GRM5: variants seen among roughly 807,000 people sequenced by gnomAD.
GRM5 encodes the protein glutamate metabotropic receptor 5.
In GRM5, 19 loss-of-function variants were observed where a neutral mutation model predicts 83.1. The ratio of observed to expected loss-of-function variants is 0.23; its 90% CI spans 0.16 to 0.34. GRM5 has a LOEUF of 0.34. Among genes scored for constraint, GRM5 ranks in the 10% least tolerant of loss-of-function variants. The pLI is 1.00. For missense variants in GRM5, 1,160 were observed against 1,588.3 expected (o/e 0.73, Z 4.58); for synonymous variants, 675 against 633.6 (o/e 1.07, Z -0.98).
intron 3 of GRM5, among the ~76,000 whole-genome samples, chr11:88,765,225 AG>A (rs1942604180): frequency 6.6e-6 from 1 of 151,450 alleles, no homozygotes; most frequent in African/African-American, 2.4e-5. Context: ...CTCCCAAAAA[AG>A]AAAAACCCTG....
intron 8 of GRM5, among the ~76,000 whole-genome samples, chr11:88,559,135 A>G (rs1293161108): frequency 6.6e-6 from 1 of 152,288 alleles, no homozygotes; most frequent in African/African-American, 2.4e-5. Context: ...ACCAAATTTC[A>G]GGCAGTTCTT....
At chr11:88,584,928 G>T (rs186599159) in intron 7 of GRM5, among the ~76,000 whole-genome samples, 2 of 152,248 alleles carry the variant, frequency 1.3e-5, no homozygotes, top group Non-Finnish European at 2.9e-5. Context: ...CCAAAATATG[G>T]CACTTTGGCA....
chr11:88,677,787 T>C (rs998212279), intron 3 of GRM5, among the ~76,000 whole-genome samples: 29 of 152,126 alleles, frequency 1.9e-4, no homozygotes, highest in African/African-American at 5.8e-4. Context: ...ATCTTTCCAT[T>C]TGATTTGCTA....
At chr11:88,782,512 A>G (rs1025038980) in intron 3 of GRM5, among the ~76,000 whole-genome samples, 16 of 152,164 alleles carry the variant, frequency 1.1e-4, no homozygotes, top group Non-Finnish European at 1.8e-4. Flanking sequence ...GGTCCCTTCC[A>G]CAACACATGG....
chr11:89,021,005 G>A (rs1412306662), intron 2 of GRM5, among the ~76,000 whole-genome samples: 1 of 152,078 alleles, frequency 6.6e-6, no homozygotes, highest in East Asian at 1.9e-4. Flanking sequence ...CATGAAGAAC[G>A]ATAAATAATA....
intron 2 of GRM5, among the ~76,000 whole-genome samples, chr11:88,992,228 A>G (rs536186505): frequency 1.3e-5 from 2 of 152,306 alleles, no homozygotes; most frequent in South Asian, 2.1e-4. Flanking sequence ...ACACTTCTCA[A>G]AAGAAGACAT....
chr11:88,681,427 T>A (rs939325274), intron 3 of GRM5, among the ~76,000 whole-genome samples: 1 of 151,928 alleles, frequency 6.6e-6, no homozygotes, highest in Non-Finnish European at 1.5e-5. Context: ...CCCTTTCTTT[T>A]TGAAATTCCT....
intron 3 of GRM5, among the ~76,000 whole-genome samples, chr11:88,807,198 C>G (rs1185866763): frequency 6.6e-6 from 1 of 152,114 alleles, no homozygotes; most frequent in Non-Finnish European, 1.5e-5. Context: ...TTATTGAACA[C>G]ATGAATGGGT....
chr11:88,611,477 T>G (rs1938314685), intron 4 of GRM5, among the ~76,000 whole-genome samples: 1 of 152,194 alleles, frequency 6.6e-6, no homozygotes, highest in Non-Finnish European at 1.5e-5. Flanking sequence ...TACCTATTTC[T>G]CCTAGGTTTT....
intron 4 of GRM5, among the ~76,000 whole-genome samples, chr11:88,634,719 C>T (rs1939072229): frequency 6.6e-6 from 1 of 152,056 alleles, no homozygotes; most frequent in Admixed American, 6.6e-5. Flanking sequence ...GAGTACACTC[C>T]CAAGTAATGA....
chr11:88,744,209 G>A (rs994916099), intron 3 of GRM5, among the ~76,000 whole-genome samples: 2 of 152,082 alleles, frequency 1.3e-5, no homozygotes, highest in Non-Finnish European at 2.9e-5. Context: ...TTTACATTAA[G>A]TATTTTCAAG....
chr11:88,981,712 G>A (rs1363962428), intron 2 of GRM5, among the ~76,000 whole-genome samples: 2 of 152,160 alleles, frequency 1.3e-5, no homozygotes, highest in African/African-American at 2.4e-5. Context: ...AAAGAACACA[G>A]AATCAGGAGT....
chr11:88,984,437 G>A (rs1239536560), intron 2 of GRM5, among the ~76,000 whole-genome samples: 1 of 152,130 alleles, frequency 6.6e-6, no homozygotes, highest in African/African-American at 2.4e-5. Context: ...GTGTAGCGTA[G>A]GCTATCCCAT....
intron 2 of GRM5, among the ~76,000 whole-genome samples, chr11:88,912,346 C>T (rs1945514594): frequency 1.3e-5 from 2 of 151,708 alleles, no homozygotes; most frequent in South Asian, 4.2e-4. Context: ...GAACTTTATT[C>T]TCTCATATTT....
intron 3 of GRM5, among the ~76,000 whole-genome samples, chr11:88,755,065 A>G (rs371343639): frequency 2.9e-4 from 44 of 152,324 alleles, no homozygotes; most frequent in African/African-American, 9.4e-4. Context: ...TATATTGAAG[A>G]ACACTCTGTA....
intron 3 of GRM5, among the ~76,000 whole-genome samples, chr11:88,788,128 A>G (rs1286711811): frequency 1.3e-5 from 2 of 152,174 alleles, no homozygotes; most frequent in Non-Finnish European, 2.9e-5. Context: ...TGGGAGGAAC[A>G]TCTCCTTATT....
In GRM5 at chr11:89,064,325, C is replaced by G. The variant is rs1464852235; in HGVS notation, c.-201+1451G>C. On this transcript the variant is annotated intron_variant, in intron 1 of 9. Coordinates refer to ENST00000305447, the MANE Select transcript of GRM5 (RefSeq NM_001143831.3). ...ATAAAAATAAATAAATAATAAAACA[C>G]TAAAAAAATAGCATATGACTTTAGG... Among the ~76,000 whole-genome samples the G allele has an allele frequency of 2.6e-5, 4 of 152,196 alleles. No individual in the cohort carries two copies. The South Asian group carries it at 6.2e-4, about 24-fold the overall frequency.
rs975246294 is a variant in GRM5, at chr11:89,023,894, TAAAA to T, written c.661+23314_661+23317del. On this transcript the variant is annotated intron_variant, in intron 2 of 9. Transcript: ENST00000305447. ...ATAAATAAATAAATAAATAAATAAA[TAAAA>T]ATAAATTTTAAAATAATGATCTTAA... Among the ~76,000 whole-genome samples, 8 of 110,692 alleles carry T rather than the reference TAAAA, an allele frequency of 7.2e-5. No homozygotes were observed. In the East Asian group the frequency reaches 7.9e-4, roughly 11 times the overall value. The allele number at this position is 110,692 out of a possible 152,430, so 72.6% of individuals were successfully genotyped here. A position where few individuals can be genotyped will look rare whatever the true frequency, so the allele number is the denominator to read the frequency against.
At chr11:89,060,108 T>G (rs1362187729) in intron 1 of GRM5, among the ~76,000 whole-genome samples, 1 of 151,988 alleles carries the variant, frequency 6.6e-6, no homozygotes, top group Non-Finnish European at 1.5e-5. Context: ...AGTAAAATAA[T>G]CCCATAATGT....
Sources: gnomAD v4.1 joint callset for allele counts (sites outside exome capture counted in the v4.1 genomes callset) on GRCh38, gnomAD v4.1.1 for gene constraint, MANE v1.5 for transcripts, NCBI Gene and HGNC (gene_info 2026-07-23, HGNC 2026-07-21) for gene names.